IFT88: variants seen among roughly 807,000 people sequenced by gnomAD.
IFT88 encodes the protein intraflagellar transport protein 88 homolog.
In IFT88, 74 loss-of-function variants were observed where a neutral mutation model predicts 119.5. The ratio of observed to expected loss-of-function variants is 0.62; its 90% CI spans 0.51 to 0.75. The LOEUF is 0.75. IFT88 is among the 30% of genes least tolerant of loss of function. The pLI, the probability that IFT88 is intolerant of heterozygous loss-of-function variation, is 0.00. For missense variants in IFT88, 961 were observed against 977.7 expected (o/e 0.98, Z 0.23); for synonymous variants, 279 against 316.7 (o/e 0.88, Z 1.26).
intron 2 of IFT88, among the ~76,000 whole-genome samples, chr13:20,578,034 C>CTTTTTTTTTTTTTTT (rs57202566): frequency 1.4e-4 from 8 of 55,872 alleles, no homozygotes; most frequent in African/African-American, 4.5e-4. Context: ...CTTGTTACTT[C>CTTTTTTTTTTTTTTT]TTTTTTTTTT....
At chr13:20,585,050 C>T (rs2039411109) in intron 3 of IFT88, among the ~76,000 whole-genome samples, 1 of 152,226 alleles carries the variant, frequency 6.6e-6, no homozygotes, top group Non-Finnish European at 1.5e-5. Context: ...CTCACTTTGT[C>T]ATGTTCTCCC....
At chr13:20,685,230 G>C (rs986104959) in intron 24 of IFT88, among the ~76,000 whole-genome samples, 3 of 152,228 alleles carry the variant, frequency 2.0e-5, no homozygotes, top group Non-Finnish European at 2.9e-5. Flanking sequence ...TTTATGGCTA[G>C]AGCAGTTTTC....
chr13:20,673,409 C>T (rs751300323), intron 24 of IFT88, among the ~76,000 whole-genome samples: 4 of 152,196 alleles, frequency 2.6e-5, no homozygotes, highest in Admixed American at 1.3e-4. Context: ...GGGACAGTGT[C>T]TGGGGTCCCA....
At chr13:20,652,660 G>T (rs1299982659) in intron 20 of IFT88, among the ~76,000 whole-genome samples, 1 of 151,622 alleles carries the variant, frequency 6.6e-6, no homozygotes, top group East Asian at 1.9e-4. Flanking sequence ...TTCATTTAAA[G>T]TTCAAAAACA....
At chr13:20,674,745 T>TTA (rs2056442621) in intron 24 of IFT88, among the ~76,000 whole-genome samples, 1 of 117,442 alleles carries the variant, frequency 8.5e-6, no homozygotes, top group African/African-American at 2.9e-5. Context: ...TTTTTTTTTT[T>TTA]GAGACAGAGT....
intron 11 of IFT88, among the ~76,000 whole-genome samples, chr13:20,600,518 A>T (rs955519914): frequency 6.6e-6 from 1 of 152,194 alleles, no homozygotes; most frequent in African/African-American, 2.4e-5. Flanking sequence ...TGATCAGAGA[A>T]TTATGAATAA....
At chr13:20,656,541 T>C (rs577897365) in intron 22 of IFT88, 111 bp downstream of exon 22, 1 of 417,180 alleles carries the variant, frequency 2.4e-6, no homozygotes, top group East Asian at 3.8e-5. Flanking sequence ...CAACCTATAA[T>C]TTGTGATACA....
intron 24 of IFT88, among the ~76,000 whole-genome samples, chr13:20,675,403 T>C (rs183460037): frequency 1.0e-3 from 152 of 152,286 alleles, no homozygotes; most frequent in African/African-American, 3.2e-3. Flanking sequence ...ATACGGTATG[T>C]ATCACAAAGG....
At chr13:20,639,731 G>T (rs2049561492) in intron 17 of IFT88, among the ~76,000 whole-genome samples, 1 of 141,104 alleles carries the variant, frequency 7.1e-6, no homozygotes, top group African/African-American at 2.6e-5. Flanking sequence ...TTTTAACTTT[G>T]TTTCTAATTT....
chr13:20,647,254 G>A (rs1362523291), intron 20 of IFT88, among the ~76,000 whole-genome samples: 1 of 151,980 alleles, frequency 6.6e-6, no homozygotes, highest in African/African-American at 2.4e-5. Context: ...TCTCTTTTGA[G>A]CATTTGTTTT....
At chr13:20,649,927 CAAG>C (rs2051347808) in intron 20 of IFT88, among the ~76,000 whole-genome samples, 1 of 151,982 alleles carries the variant, frequency 6.6e-6, no homozygotes, top group South Asian at 2.1e-4. Flanking sequence ...AAACCCAACT[CAAG>C]AAGAAATAAA....
At chr13:20,663,327 A>G in intron 22 of IFT88, 171 bp from the exon 23 acceptor site, 1 of 1,514,294 alleles carries the variant, frequency 6.6e-7, no homozygotes, top group Non-Finnish European at 8.8e-7. Flanking sequence ...CAAGGAAGTC[A>G]GTTCTCCCTG....
intron 13 of IFT88, chr13:20,607,855 A>G (rs2043782735): frequency 2.8e-6 from 2 of 722,034 alleles, no homozygotes; most frequent in Non-Finnish European, 5.3e-6. Flanking sequence ...GTCCCTGATC[A>G]TGCTGCCCAA....
chr13:20,651,676 A>G (rs975343620), intron 20 of IFT88, among the ~76,000 whole-genome samples: 3 of 151,880 alleles, frequency 2.0e-5, no homozygotes, highest in African/African-American at 7.2e-5. Flanking sequence ...TAATTCTATT[A>G]TAGTATATTG....
chr13:20,591,620 T>C lies in IFT88; in HGVS notation c.267T>C (p.Asp89=), dbSNP rs764393430. ...AATGATTCCCATTCTCTTTAAAGGA[T>C]GGAGTTACTAGACCCATGACAGCAG... ...IGRPMTGAIQ[D]GVTRPMTAVR... Residue 89 remains aspartate (D), a splice_region_variant and synonymous_variant, in exon 6 of 26, where the codon GAT becomes GAC. Coordinates refer to ENST00000351808, the MANE Select transcript of IFT88 (RefSeq NM_006531.5). 1.9e-6 allele frequency: 3 copies of C among 1,611,286 alleles called. No individual in the cohort carries two copies. The highest frequency in any genetic ancestry group is 2.5e-6 in the Non-Finnish European group (3 of 1,177,850).
At chr13:20,592,491 A>T in intron 7 of IFT88, 87 bp downstream of exon 7, 1 of 971,510 alleles carries the variant, frequency 1.0e-6, no homozygotes, top group Admixed American at 2.5e-5. Context: ...TTTTTTTGAG[A>T]TGATATCTCA....
chr13:20,608,255 G>C (rs1242333433), intron 13 of IFT88: 1 of 229,600 alleles, frequency 4.4e-6, no homozygotes, highest in Non-Finnish European at 8.7e-6. Context: ...ACCCAGCCGA[G>C]GGAATGGTGT....
intron 21 of IFT88, among the ~76,000 whole-genome samples, chr13:20,655,256 A>G (rs1354109790): frequency 1.3e-5 from 2 of 151,930 alleles, no homozygotes; most frequent in East Asian, 3.9e-4. Context: ...ACATGGTGAA[A>G]CCCCATCTCT....
At chr13:20,675,375 G>A (rs918245573) in intron 24 of IFT88, among the ~76,000 whole-genome samples, 2 of 152,114 alleles carry the variant, frequency 1.3e-5, no homozygotes, top group Admixed American at 6.6e-5. Context: ...GGATACCCGA[G>A]TATCCAGCCC....
Sources: allele counts gnomAD v4.1 joint callset (sites outside exome capture counted in the v4.1 genomes callset), GRCh38; gene constraint gnomAD v4.1.1; transcripts MANE v1.5; gene names NCBI Gene and HGNC (gene_info 2026-07-23, HGNC 2026-07-21).